COG5: variants seen among roughly 807,000 people sequenced by gnomAD.
COG5 encodes component of oligomeric golgi complex 5.
In COG5, 86 loss-of-function variants were observed where a neutral mutation model predicts 110.4. That is an observed-to-expected ratio of 0.78 (90% CI 0.65 to 0.93). The LOEUF (loss-of-function observed/expected upper bound fraction) is 0.93, where lower values mean the gene tolerates loss of function less well. Ranked by LOEUF, COG5 falls within the 40% of genes least tolerant of loss-of-function variation. The probability of loss-of-function intolerance (pLI) is 0.00; values close to 1 mark genes in which losing one functional copy is unlikely to be tolerated. For synonymous variants in COG5, 360 were observed against 334.6 expected, an observed-to-expected ratio of 1.08 and a Z score of -0.83; for missense variants, 1,077 against 987.0, an observed-to-expected ratio of 1.09 and a Z score of -1.22.
intron 6 of COG5, among the ~76,000 whole-genome samples, chr7:107,465,233 C>G (rs1010850722): frequency 2.6e-5 from 4 of 152,074 alleles, no homozygotes; most frequent in Non-Finnish European, 4.4e-5. Flanking sequence ...GGAATTCACA[C>G]AAAAAACTCC....
chr7:107,279,195 C>T (rs1804957902), intron 14 of COG5, among the ~76,000 whole-genome samples: 1 of 152,168 alleles, frequency 6.6e-6, no homozygotes, highest in South Asian at 2.1e-4. Flanking sequence ...AAAAGCTAAT[C>T]ATCACTGGTC....
intron 6 of COG5, chr7:107,469,941 C>CG (rs1484467531): frequency 1.3e-5 from 2 of 151,944 alleles, no homozygotes; most frequent in Non-Finnish European, 2.9e-5. Context: ...CAGTGGGGAG[C>CG]GGGGGAAATC....
At chr7:107,389,499 A>G (rs1790457466) in intron 7 of COG5, among the ~76,000 whole-genome samples, 1 of 152,226 alleles carries the variant, frequency 6.6e-6, no homozygotes, top group African/African-American at 2.4e-5. Flanking sequence ...GTGGCCTCAA[A>G]CCAGGTAATA....
At chr7:107,234,272 G>A (rs1278782261) in intron 18 of COG5, among the ~76,000 whole-genome samples, 1 of 152,128 alleles carries the variant, frequency 6.6e-6, no homozygotes, top group African/African-American at 2.4e-5. Context: ...GGAAACAAGA[G>A]GCCTTTGAGC....
At chr7:107,391,082 G>C (rs145189712) in intron 7 of COG5, among the ~76,000 whole-genome samples, 6 of 152,064 alleles carry the variant, frequency 3.9e-5, no homozygotes, top group African/African-American at 1.4e-4. Flanking sequence ...ATGCATGATT[G>C]CTCTCTACTT....
intron 10 of COG5, among the ~76,000 whole-genome samples, chr7:107,333,303 G>A (rs906604098): frequency 2.6e-5 from 4 of 152,110 alleles, no homozygotes; most frequent in Admixed American, 6.5e-5. Context: ...CCTTCGAGGG[G>A]AAACATTTTG....
At chr7:107,422,495 C>G (rs1793366235) in intron 6 of COG5, among the ~76,000 whole-genome samples, 1 of 151,726 alleles carries the variant, frequency 6.6e-6, no homozygotes, top group African/African-American at 2.4e-5. Context: ...CCACTGTACT[C>G]CAGCCTGGGG....
At chr7:107,220,807 C>G (rs373277179) in intron 19 of COG5, among the ~76,000 whole-genome samples, 2 of 149,680 alleles carry the variant, frequency 1.3e-5, no homozygotes, top group Non-Finnish European at 3.0e-5. Flanking sequence ...TAGCGGGACT[C>G]ATGCCTTCTT....
chr7:107,365,209 GATAAA>G (rs1813493455), intron 8 of COG5, among the ~76,000 whole-genome samples: 1 of 152,056 alleles, frequency 6.6e-6, no homozygotes, highest in Non-Finnish European at 1.5e-5. Context: ...TTATGTAAGT[GATAAA>G]ATAAACTAAG....
intron 19 of COG5, among the ~76,000 whole-genome samples, chr7:107,224,426 C>T (rs1419910348): frequency 6.6e-6 from 1 of 152,196 alleles, no homozygotes; most frequent in South Asian, 2.1e-4. Context: ...GCTAAAAGAT[C>T]CATCAGAACA....
chr7:107,296,427 T>C (rs1406948013), intron 12 of COG5, among the ~76,000 whole-genome samples: 4 of 152,084 alleles, frequency 2.6e-5, no homozygotes, highest in Non-Finnish European at 5.9e-5. Flanking sequence ...ATTAAATCTT[T>C]GCAGATCAAC....
chr7:107,525,972 A>G (rs948524300), intron 6 of COG5, among the ~76,000 whole-genome samples: 4 of 152,224 alleles, frequency 2.6e-5, no homozygotes, highest in East Asian at 1.9e-4. Context: ...AGCAAAACCT[A>G]TATTTCAGCA....
intron 5 of COG5, among the ~76,000 whole-genome samples, chr7:107,535,309 TA>T: frequency 6.6e-6 from 1 of 150,526 alleles, no homozygotes; most frequent in East Asian, 1.9e-4. Flanking sequence ...AGACAAGAAA[TA>T]ACTAAGAGCA....
At chr7:107,274,302 T>C (rs1188291488) in intron 14 of COG5, among the ~76,000 whole-genome samples, 1 of 152,172 alleles carries the variant, frequency 6.6e-6, no homozygotes, top group Admixed American at 6.5e-5. Context: ...AAACCCTGTC[T>C]CTAAATATTA....
intron 6 of COG5, among the ~76,000 whole-genome samples, chr7:107,526,411 T>C (rs115795389): frequency 0.015 from 2,219 of 152,332 alleles, 54 homozygotes; most frequent in African/African-American, 0.051. Context: ...AGCTGGTTAA[T>C]AGTCAAAACC....
At chr7:107,241,608 C>G (rs906265086) in intron 17 of COG5, among the ~76,000 whole-genome samples, 1 of 151,740 alleles carries the variant, frequency 6.6e-6, no homozygotes, top group Non-Finnish European at 1.5e-5. Context: ...CCCGCCACCA[C>G]GCCTGGCTAA....
chr7:107,282,248 T>C (rs1805229319), intron 13 of COG5, among the ~76,000 whole-genome samples: 1 of 152,204 alleles, frequency 6.6e-6, no homozygotes, highest in Non-Finnish European at 1.5e-5. Flanking sequence ...AATGTTCACT[T>C]TTAAATTTTA....
At chr7:107,464,683 T>C (rs1371820170) in intron 6 of COG5, among the ~76,000 whole-genome samples, 1 of 152,168 alleles carries the variant, frequency 6.6e-6, no homozygotes, top group Non-Finnish European at 1.5e-5. Flanking sequence ...GCTAGCCTGT[T>C]ACTGTTTCAT....
At chr7:107,554,557 T>C (rs1475169438) in intron 2 of COG5, among the ~76,000 whole-genome samples, 1 of 152,176 alleles carries the variant, frequency 6.6e-6, no homozygotes, top group East Asian at 1.9e-4. Flanking sequence ...GTTACAGCCT[T>C]TTCTTAGCCC....
Sources: gnomAD v4.1 joint callset for allele counts (sites outside exome capture counted in the v4.1 genomes callset) on GRCh38, gnomAD v4.1.1 for gene constraint, MANE v1.5 for transcripts, NCBI Gene and HGNC (gene_info 2026-07-23, HGNC 2026-07-21) for gene names.